ADCY2: variants seen among roughly 807,000 people sequenced by gnomAD.
The protein encoded by ADCY2 is adenylate cyclase 2.
Under a neutral mutation model 125.2 loss-of-function variants are expected in ADCY2, and 31 were observed. That is an observed-to-expected ratio of 0.25 (90% confidence interval 0.19 to 0.33). ADCY2 has a LOEUF of 0.33. Among genes scored for constraint, ADCY2 ranks in the 10% least tolerant of loss-of-function variants. The pLI is 1.00. For missense variants in ADCY2, 904 were observed against 1,418.2 expected (o/e 0.64, Z 5.82); for synonymous variants, 512 against 548.4 (o/e 0.93, Z 0.93).
At chr5:7,429,695 G>T (rs1207081323) in intron 2 of ADCY2, among the ~76,000 whole-genome samples, 1 of 152,180 alleles carries the variant, frequency 6.6e-6, no homozygotes, top group East Asian at 1.9e-4. Context: ...GGGGAAATTA[G>T]AAAGTATCTT....
At chr5:7,450,251 A>AG (rs1741424294) in intron 2 of ADCY2, among the ~76,000 whole-genome samples, 1 of 152,240 alleles carries the variant, frequency 6.6e-6, no homozygotes, top group African/African-American at 2.4e-5. Flanking sequence ...GTGAATCCAA[A>AG]GGAAACGTTC....
At chr5:7,747,455 G>A (rs1019279017) in intron 15 of ADCY2, among the ~76,000 whole-genome samples, 2 of 152,092 alleles carry the variant, frequency 1.3e-5, no homozygotes, top group Non-Finnish European at 2.9e-5. Context: ...ATCTCATGGA[G>A]GCCAACCTTT....
intron 3 of ADCY2, among the ~76,000 whole-genome samples, chr5:7,570,498 G>A (rs922525321): frequency 6.6e-6 from 1 of 151,814 alleles, no homozygotes; most frequent in African/African-American, 2.4e-5. Context: ...GCAGTGTTTT[G>A]TCGCCTCTGG....
intron 2 of ADCY2, among the ~76,000 whole-genome samples, chr5:7,467,673 CTT>C (rs1742175655): frequency 6.6e-6 from 1 of 152,150 alleles, no homozygotes; most frequent in African/African-American, 2.4e-5. Flanking sequence ...CAAAGAAACA[CTT>C]ATTTTTATAT....
intron 2 of ADCY2, among the ~76,000 whole-genome samples, chr5:7,445,711 G>A (rs954227204): frequency 1.3e-5 from 2 of 152,070 alleles, no homozygotes; most frequent in Non-Finnish European, 2.9e-5. Flanking sequence ...CCTCAGCATT[G>A]CATTTTTTAT....
rs151148095 is a variant in ADCY2 at position 7,731,547 on chromosome 5, A to G, written c.1871+4286A>G. ...TGGGATTATAGGCATGAGCCACCGC[A>G]CCTGGCCTACTTGGAGATTTTAAAC... On this transcript the variant is annotated intron_variant, in intron 14 of 24. Coordinates refer to ENST00000338316, the MANE Select transcript of ADCY2 (RefSeq NM_020546.3). Among the ~76,000 whole-genome samples, 249 of 149,384 alleles carry G rather than the reference A, an allele frequency of 1.7e-3. 2 individuals are homozygous for G. Among genetic ancestry groups the G allele is most frequent in the African/African-American group, 5.8e-3 (235 of 40,640 alleles).
intron 3 of ADCY2, among the ~76,000 whole-genome samples, chr5:7,575,112 G>T (rs1736203877): frequency 6.6e-6 from 1 of 151,998 alleles, no homozygotes; most frequent in South Asian, 2.1e-4. Flanking sequence ...GATCACTTGA[G>T]GCCAGGAATT....
chr5:7,698,451 T>C, intron 7 of ADCY2, 77 bp downstream of exon 7: 1 of 1,433,100 alleles, frequency 7.0e-7, no homozygotes, highest in Middle Eastern at 1.7e-4. Context: ...GCAGGTTTGT[T>C]ACATAGGTAT....
intron 17 of ADCY2, among the ~76,000 whole-genome samples, chr5:7,771,200 C>T (rs1376707290): frequency 6.6e-6 from 1 of 152,096 alleles, no homozygotes; most frequent in Non-Finnish European, 1.5e-5. Flanking sequence ...CATGCTAGAC[C>T]CCTCCTCCCT....
At chr5:7,549,536 A>C (rs1172982868) in intron 3 of ADCY2, among the ~76,000 whole-genome samples, 1 of 152,070 alleles carries the variant, frequency 6.6e-6, no homozygotes, top group Non-Finnish European at 1.5e-5. Flanking sequence ...ACCCTCTCAA[A>C]TTTTCTTTGC....
chr5:7,520,227 C>A (rs913792834), intron 2 of ADCY2, among the ~76,000 whole-genome samples: 1 of 152,194 alleles, frequency 6.6e-6, no homozygotes, highest in African/African-American at 2.4e-5. Context: ...AGTTCCCTGG[C>A]AGCTGAGCCA....
At chr5:7,594,379 T>C (rs1009511160) in intron 3 of ADCY2, among the ~76,000 whole-genome samples, 1 of 152,110 alleles carries the variant, frequency 6.6e-6, no homozygotes, top group African/African-American at 2.4e-5. Context: ...ACCCCAAGGT[T>C]TGGGGGATGT....
rs1740872968 is a variant in ADCY2, at chr5:7,695,863, GGTGA to G, written c.981+3_981+6del. 6.3e-7 allele frequency: 1 copy of G among 1,599,718 alleles called. No homozygotes were observed. The highest frequency in any genetic ancestry group is 1.3e-5 in the African/African-American group (1 of 74,430). ...TTGGAAAGTTTGATCAAATTGCAAA[GGTGA>G]GTATTATGGATTCTTTTCTTCTCTG... is the stretch of plus-strand genomic sequence containing the variant. On this transcript the variant is annotated splice_donor_variant and splice_donor_region_variant and intron_variant, in intron 6 of 24. Transcript: ENST00000338316. LOFTEE classifies it high-confidence loss of function.
chr5:7,572,766 G>A (rs182870408), intron 3 of ADCY2, among the ~76,000 whole-genome samples: 86 of 152,160 alleles, frequency 5.7e-4, no homozygotes, highest in Admixed American at 3.0e-3. Context: ...ATAGTTTAGC[G>A]TTATACATTT....
chr5:7,577,282 T>C (rs1035891055), intron 3 of ADCY2, among the ~76,000 whole-genome samples: 7 of 152,164 alleles, frequency 4.6e-5, no homozygotes, highest in African/African-American at 1.4e-4. Flanking sequence ...ATATCAGATA[T>C]ATTACCAAAA....
intron 16 of ADCY2, among the ~76,000 whole-genome samples, chr5:7,762,933 A>G (rs559037913): frequency 2.6e-4 from 40 of 152,300 alleles, no homozygotes; most frequent in African/African-American, 9.1e-4. Context: ...ATTTGCTCTC[A>G]GAAAACTTCA....
rs1743604187 is a variant in ADCY2 at position 7,773,045 on chromosome 5, C to A, written c.2328C>A (p.Ile776=). 1 of 1,614,060 alleles carries A rather than the reference C, an allele frequency of 6.2e-7. No homozygotes were observed. Among genetic ancestry groups the A allele is most frequent in the Admixed American group, 1.7e-5 (1 of 60,002 alleles). The change falls in exon 18 of 25, where the codon ATC becomes ATA. Residue 776 remains isoleucine, a synonymous_variant. Transcript: ENST00000338316. ...TGGCCTTGGTGGGCTACAACACCATCCTACTCCACACCCACGCCCACGTCC... is the reference window on the plus strand; with the variant it reads ...TGGCCTTGGTGGGCTACAACACCATACTACTCCACACCCACGCCCACGTCC... ...MMVALVGYNT[I]LLHTHAHVLG...
chr5:7,534,789 G>T (rs1734762966), intron 3 of ADCY2, among the ~76,000 whole-genome samples: 1 of 152,210 alleles, frequency 6.6e-6, no homozygotes, highest in Non-Finnish European at 1.5e-5. Context: ...AGTGTCCCTG[G>T]ACTTAAGTGG....
intron 18 of ADCY2, among the ~76,000 whole-genome samples, chr5:7,776,689 C>T (rs960764387): frequency 5.3e-5 from 8 of 152,150 alleles, no homozygotes; most frequent in African/African-American, 1.9e-4. Context: ...GAGGAAGACC[C>T]ACCCTCAGTG....
Sources: gnomAD v4.1 joint callset for allele counts (sites outside exome capture counted in the v4.1 genomes callset) on GRCh38, gnomAD v4.1.1 for gene constraint, MANE v1.5 for transcripts, NCBI Gene and HGNC (gene_info 2026-07-23, HGNC 2026-07-21) for gene names.